TTC38: variants seen among roughly 807,000 people sequenced by gnomAD.
The protein encoded by TTC38 is tetratricopeptide repeat protein 38.
In TTC38, 64 loss-of-function variants were observed where a neutral mutation model predicts 64.2. That is an observed-to-expected ratio of 1.00 (90% CI 0.81 to 1.23). The LOEUF is 1.23. TTC38 is among the 50% of genes most tolerant of loss of function. The pLI, the probability that TTC38 is intolerant of heterozygous loss-of-function variation, is 0.00. For synonymous variants in TTC38, 254 were observed against 249.3 expected (o/e 1.02, Z -0.18); for missense variants, 573 against 615.5 (o/e 0.93, Z 0.73).
intron 13 of TTC38, among the ~76,000 whole-genome samples, chr22:46,290,574 GGTGA>G (rs766057438): frequency 0.043 from 6,130 of 141,406 alleles, 197 homozygotes; most frequent in Non-Finnish European, 0.066. Context: ...GTGGCTGGAG[GGTGA>G]GTGTTAGGAG....
At chr22:46,286,191 A>G (rs1265965360) in intron 9 of TTC38, among the ~76,000 whole-genome samples, 6 of 145,780 alleles carry the variant, frequency 4.1e-5, no homozygotes, top group Admixed American at 2.8e-4. Flanking sequence ...TGAGAGGGGG[A>G]AAAAAAAAAG....
In TTC38 at chr22:46,289,576, G is replaced by A. The variant is rs760351624; in HGVS notation, c.1242+15G>A. 1.6e-5 allele frequency: 25 copies of A among 1,561,752 alleles called. No individual in the cohort carries two copies. The highest frequency in any genetic ancestry group is 1.1e-4 in the East Asian group (5 of 44,446). ...GCAATGCCCAGGTGAGCCGATGGCCGCCAGCTGGGGTGCCTAGGGCCTGGG... is the reference window on the plus strand; with the variant it reads ...GCAATGCCCAGGTGAGCCGATGGCCACCAGCTGGGGTGCCTAGGGCCTGGG... On this transcript the variant is annotated intron_variant, in intron 12 of 13. Transcript: ENST00000381031.
At chr22:46,278,783 C>G in intron 6 of TTC38, 122 bp downstream of exon 6, 2 of 822,544 alleles carry the variant, frequency 2.4e-6, no homozygotes, top group Non-Finnish European at 4.2e-6. Flanking sequence ...CTCACTTCCT[C>G]AGAGAGACTG....
rs575990601 is a variant in TTC38, at chr22:46,279,222, G to A, written c.615+561G>A. On this transcript the variant is annotated intron_variant, in intron 6 of 13. Coordinates refer to ENST00000381031, the MANE Select transcript of TTC38 (RefSeq NM_017931.4). Reference sequence around the variant, plus strand: ...AGGCTGCAGCTGTCAGGCCTGGGGCGCGAATGGTCTCACGCTCTGGGGGTC... The same window carrying A: ...AGGCTGCAGCTGTCAGGCCTGGGGCACGAATGGTCTCACGCTCTGGGGGTC... Among the ~76,000 whole-genome samples the A allele has an allele frequency of 4.6e-5, 7 of 152,306 alleles. No homozygotes were observed. In the South Asian group the frequency reaches 1.0e-3, roughly 23 times the overall value.
chr22:46,288,345 C>T lies in TTC38; in HGVS notation c.917-78C>T, dbSNP rs929478492. 5.7e-5 allele frequency: 83 copies of T among 1,453,662 alleles called. No homozygotes were observed. The African/African-American group carries it at 1.0e-3, about 18-fold the overall frequency. 90.0% of individuals were successfully genotyped at this position (1,453,662 alleles called of 1,614,324 possible). ...GGGTCATCAAGGCCTCCAAGGGAAG[C>T]GCCGTGAGGGAGGCCCTTGCACGGG... On this transcript the variant is annotated intron_variant, in intron 10 of 13. Transcript: ENST00000381031.
Position 46,292,839 on chromosome 22 carries a change from C to G in TTC38, c.1365C>G (p.Thr455=), listed in dbSNP as rs200725963. The change falls in exon 14 of 14, where the codon ACC becomes ACG. Residue 455 remains threonine (T), a synonymous_variant. Transcript: ENST00000381031. This position sits in a 1 kb window ranked among gnomAD's most constrained non-coding sequence, Gnocchi z 6.5. ...RDALKPNSPL[T]ERLIRKAATV... is the part of the protein sequence containing the mutation. The stretch of plus-strand genomic sequence containing the variant: ...CCTTGAAGCCCAACTCGCCCCTGAC[C>G]GAGCGGCTCATCCGCAAGGCAGCTA... The G allele has an allele frequency of 8.1e-6, 13 of 1,613,890 alleles. No homozygotes were observed. The African/African-American group carries it at 9.3e-5, about 12-fold the overall frequency.
rs944481268 is a variant in TTC38, at chr22:46,270,848, A to AG, written c.112-1487_112-1486insG. ...GACTCCATCTCAAAAAAGAAAAAAA[A>AG]AAAATTAGCCGGGCGCAGTGGTGCA... is the stretch of plus-strand genomic sequence containing the variant. On this transcript the variant is annotated intron_variant, in intron 2 of 13. Coordinates refer to ENST00000381031, the MANE Select transcript of TTC38 (RefSeq NM_017931.4). This position sits in a 1 kb window ranked among gnomAD's most constrained non-coding sequence, Gnocchi z 4.7. Among the ~76,000 whole-genome samples, 8 of 149,818 alleles carry AG rather than the reference A, an allele frequency of 5.3e-5. No individual in the cohort carries two copies. Among genetic ancestry groups the AG allele is most frequent in the African/African-American group, 2.0e-4 (8 of 40,812 alleles).
At chr22:46,286,295 ACAT>A (rs1555888012) in intron 9 of TTC38, among the ~76,000 whole-genome samples, 3 of 152,152 alleles carry the variant, frequency 2.0e-5, no homozygotes, top group Non-Finnish European at 4.4e-5. Context: ...GGGGATCTAA[ACAT>A]CAGAGAAAAA....
Position 46,272,465 on chromosome 22 carries a change from C to T in TTC38, c.193+49C>T, listed in dbSNP as rs1262483147. 6.8e-7 allele frequency: 1 copy of T among 1,475,394 alleles called. No individual in the cohort carries two copies. Among genetic ancestry groups the T allele is most frequent in the East Asian group, 2.3e-5 (1 of 44,184 alleles). The allele number at this position is 1,475,394 out of a possible 1,614,324, so 91.4% of individuals were successfully genotyped here. ...GAGGAGCCCCGCTTCACACATCCAGCCCCTCTCTTTCCTTTACCACAGGGA... is the reference window on the plus strand; with the variant it reads ...GAGGAGCCCCGCTTCACACATCCAGTCCCTCTCTTTCCTTTACCACAGGGA... On this transcript the variant is annotated intron_variant, in intron 3 of 13. Transcript: ENST00000381031. This position sits in a 1 kb window ranked among gnomAD's most constrained non-coding sequence, Gnocchi z 6.4.
In TTC38 at chr22:46,292,513, A is replaced by G. The variant is rs2077623192; in HGVS notation, c.1317-278A>G. On this transcript the variant is annotated intron_variant, in intron 13 of 13. Coordinates refer to ENST00000381031, the MANE Select transcript of TTC38 (RefSeq NM_017931.4). This position sits in a 1 kb window ranked among gnomAD's most constrained non-coding sequence, Gnocchi z 6.5. ...GTCCACAGCAGGGTCTTTACCTCAA[A>G]CCGTACCTGGGTCTTCTCTCTTCAA... Among the ~76,000 whole-genome samples the G allele has an allele frequency of 6.6e-6, 1 of 152,056 alleles. No homozygotes were observed. Among genetic ancestry groups the G allele is most frequent in the East Asian group, 1.9e-4 (1 of 5,194 alleles).
intron 1 of TTC38, 27 bp from the exon 2 acceptor site, chr22:46,268,487 C>A (rs777022359): frequency 6.2e-7 from 1 of 1,610,330 alleles, no homozygotes; most frequent in Admixed American, 1.7e-5. Context: ...AGAGAAGGCA[C>A]TGCTATTCCC....
chr22:46,273,859 A>T lies in TTC38; in HGVS notation c.194-39A>T, dbSNP rs1451813954. 26 of 1,609,594 alleles carry T rather than the reference A, an allele frequency of 1.6e-5. No individual in the cohort carries two copies. The highest frequency in any genetic ancestry group is 2.7e-5 in the African/African-American group (2 of 74,788). On this transcript the variant is annotated intron_variant, in intron 3 of 13. Transcript: ENST00000381031. This position sits in a 1 kb window ranked among gnomAD's most constrained non-coding sequence, Gnocchi z 5.1. Reference sequence around the variant, plus strand: ...TCTGGGCTGGGATGGGCTGAGCTGGACCATCTGAACCACCAGCCGTTCTCT... The same window carrying T: ...TCTGGGCTGGGATGGGCTGAGCTGGTCCATCTGAACCACCAGCCGTTCTCT...
At position 46,275,775 on chromosome 22, in the gene TTC38, G is replaced by T. The variant is rs983429363; in HGVS notation, c.539+354G>T. ...CCACCATGTCCTTGTCTCCATCTGG[G>T]ATCCCAGCTGATGAAGCAACTGCCC... On this transcript the variant is annotated intron_variant, in intron 5 of 13. Coordinates refer to ENST00000381031, the MANE Select transcript of TTC38 (RefSeq NM_017931.4). The surrounding 1 kb of genome is among the most constrained non-coding windows in gnomAD (Gnocchi z 4.5). Among the ~76,000 whole-genome samples the T allele has an allele frequency of 2.6e-5, 4 of 152,164 alleles. No homozygotes were observed. Among genetic ancestry groups the T allele is most frequent in the African/African-American group, 9.7e-5 (4 of 41,424 alleles).
At chr22:46,268,446 G>C (rs1054628462) in intron 1 of TTC38, 68 bp from the exon 2 acceptor site, 84 of 1,500,694 alleles carry the variant, frequency 5.6e-5, no homozygotes, top group Non-Finnish European at 7.4e-5. Context: ...GCCAGGAGAC[G>C]TGTGTGTGTT....
Position 46,289,453 on chromosome 22 carries a change from C to T in TTC38, c.1134C>T (p.Pro378=), listed in dbSNP as rs757878768. 2.5e-6 allele frequency: 4 copies of T among 1,609,498 alleles called. No individual in the cohort carries two copies. Among genetic ancestry groups the T allele is most frequent in the Non-Finnish European group, 2.5e-6 (3 of 1,179,752 alleles). The change falls in exon 12 of 14, where the codon CCC becomes CCT. Residue 378 remains proline, a synonymous_variant. Transcript: ENST00000381031. ...QHLLARDVGL[P]LCQALVEAED... Reference sequence around the variant, plus strand: ...TCCTGGCCCGAGACGTGGGGCTGCCCCTGTGCCAGGCCCTGGTGGAGGCTG... The same window carrying T: ...TCCTGGCCCGAGACGTGGGGCTGCCTCTGTGCCAGGCCCTGGTGGAGGCTG...
At position 46,289,482 on chromosome 22, in the gene TTC38, A is replaced by G; in HGVS notation, c.1163A>G (p.Asp388Gly). Residue 388 changes from aspartate (D) to glycine (G), a missense_variant, in exon 12 of 14, where the codon GAC becomes GGC. Asp to Gly is a moderately conservative substitution (Grantham distance 94). Coordinates refer to ENST00000381031, the MANE Select transcript of TTC38 (RefSeq NM_017931.4). ...TGCCAGGCCCTGGTGGAGGCTGAGG[A>G]CGGGAACCCTGACCGCGTCCTGGAG... ...PLCQALVEAE[D>G]GNPDRVLELL... The G allele has an allele frequency of 3.1e-6, 5 of 1,609,098 alleles. No individual in the cohort carries two copies. Among genetic ancestry groups the G allele is most frequent in the Non-Finnish European group, 4.2e-6 (5 of 1,179,678 alleles).
Position 46,290,022 on chromosome 22 carries a change from C to T in TTC38, c.1316+123C>T, listed in dbSNP as rs186978152. 173 of 889,850 alleles carry T rather than the reference C, an allele frequency of 1.9e-4. 1 individual carries two copies. The African/African-American group carries it at 2.2e-3, about 11-fold the overall frequency. 55.1% of individuals were successfully genotyped at this position (889,850 alleles called of 1,614,324 possible). ...GCTCCTGCTTCTGAGGCTGTGAGGT[C>T]GGGAGGCTGTGGGGAATTTGGTTCT... On this transcript the variant is annotated intron_variant, in intron 13 of 13. Coordinates refer to ENST00000381031, the MANE Select transcript of TTC38 (RefSeq NM_017931.4).
At chr22:46,290,840 G>A (rs967506059) in intron 13 of TTC38, among the ~76,000 whole-genome samples, 10 of 152,196 alleles carry the variant, frequency 6.6e-5, no homozygotes, top group Non-Finnish European at 7.4e-5. Flanking sequence ...CAGCAGCTGC[G>A]TAGCCCGTGT....
At chr22:46,290,293 G>C (rs1470027644) in intron 13 of TTC38, among the ~76,000 whole-genome samples, 2 of 152,208 alleles carry the variant, frequency 1.3e-5, no homozygotes, top group East Asian at 3.9e-4. Context: ...GCTGGGTACC[G>C]AGAGGGAGCA....
Sources: gnomAD v4.1 joint callset for allele counts (sites outside exome capture counted in the v4.1 genomes callset) on GRCh38, gnomAD v4.1.1 for gene constraint, Gnocchi (gnomAD v3.1) non-coding constraint, MANE v1.5 for transcripts, NCBI Gene and HGNC (gene_info 2026-07-23, HGNC 2026-07-21) for gene names.